Variants in RGS6 observed in about 807,000 individuals in gnomAD.
The protein encoded by RGS6 is regulator of G protein signaling 6, also known as regulator of G-protein signaling 6.
In RGS6, 30 loss-of-function variants were observed where a neutral mutation model predicts 78.5. The ratio of observed to expected loss-of-function variants is 0.38; its 90% CI spans 0.29 to 0.52. The LOEUF (loss-of-function observed/expected upper bound fraction) is 0.52. Ranked by LOEUF, RGS6 falls within the 20% of genes least tolerant of loss-of-function variation. RGS6 has a pLI of 0.85. For missense variants in RGS6, 495 were observed against 609.7 expected (o/e 0.81, Z 1.98); for synonymous variants, 206 against 206.0 (o/e 1.00, Z 0.00).
In RGS6 at chr14:72,178,964, T is replaced by G. The variant is rs149995467; in HGVS notation, c.85-173131T>G. Among the ~76,000 whole-genome samples the G allele has an allele frequency of 1.2e-3, 190 of 152,332 alleles. 1 individual carries two copies. In the East Asian group the frequency reaches 0.021, roughly 17 times the overall value. ...GTTTGTAAATATCCTTACTGACGGT[T>G]TCTAGACATTTATGCACGACGTTTT... On this transcript the variant is annotated intron_variant, in intron 2 of 17. Coordinates refer to ENST00000553525, the MANE Select transcript of RGS6 (RefSeq NM_001204424.2).
Position 72,256,286 on chromosome 14 carries a change from A to C in RGS6, c.85-95809A>C, listed in dbSNP as rs192633837. On this transcript the variant is annotated intron_variant, in intron 2 of 17. Coordinates refer to ENST00000553525, the MANE Select transcript of RGS6 (RefSeq NM_001204424.2). ...CTGAGTCAGTTTCTGGGTAGGAGTC[A>C]CAGGACCAGTTGAGTCAGTTCCCTG... 5.3e-5 allele frequency among the ~76,000 whole-genome samples: 8 copies of C among 152,334 alleles called. No homozygotes were observed. The East Asian group carries it at 9.6e-4, about 18-fold the overall frequency.
At chr14:72,618,238 T>C in the RGS6 span, among the ~76,000 whole-genome samples, 2 of 152,196 alleles carry the variant, frequency 1.3e-5, no homozygotes, top group Non-Finnish European at 2.9e-5. Flanking sequence ...CAGGTCTCAG[T>C]AGACAATAGC....
At chr14:71,995,762 G>A (rs750183932) in intron 2 of RGS6, among the ~76,000 whole-genome samples, 1 of 152,068 alleles carries the variant, frequency 6.6e-6, no homozygotes, top group Non-Finnish European at 1.5e-5. Context: ...CATGACGCAC[G>A]GCATATTTAC....
chr14:71,885,577 G>A, the RGS6 span, among the ~76,000 whole-genome samples: 1 of 152,218 alleles, frequency 6.6e-6, no homozygotes, highest in Admixed American at 6.5e-5. Flanking sequence ...ATGTGATGAG[G>A]GCTCACTTGG....
chr14:72,085,933 G>T (rs556472410), intron 2 of RGS6, among the ~76,000 whole-genome samples: 1 of 150,706 alleles, frequency 6.6e-6, no homozygotes, highest in Admixed American at 6.6e-5. Flanking sequence ...ACTCATAGCA[G>T]GTTACCTTTG....
At chr14:72,220,138 A>G (rs909244732) in intron 2 of RGS6, among the ~76,000 whole-genome samples, 1 of 152,254 alleles carries the variant, frequency 6.6e-6, no homozygotes, top group African/African-American at 2.4e-5. Flanking sequence ...CATAATCGCT[A>G]CAAAAAGAAT....
chr14:72,521,558 T>G (rs1309701766), intron 15 of RGS6, among the ~76,000 whole-genome samples: 3 of 152,242 alleles, frequency 2.0e-5, no homozygotes. Context: ...CAATCTAGAC[T>G]AGACATGAGG....
At chr14:72,229,958 T>G (rs2049134382) in intron 2 of RGS6, among the ~76,000 whole-genome samples, 1 of 152,222 alleles carries the variant, frequency 6.6e-6, no homozygotes, top group African/African-American at 2.4e-5. Context: ...TGGCCTCATT[T>G]ACATCCTGTG....
At chr14:72,604,371 G>A in the RGS6 span, among the ~76,000 whole-genome samples, 49,304 of 152,014 alleles carry the variant, frequency 0.32, 9,367 homozygotes, top group East Asian at 0.75. Flanking sequence ...CATTCTTCAA[G>A]GTTCTGCTCC....
At chr14:72,226,793 C>A (rs1000373558) in intron 2 of RGS6, among the ~76,000 whole-genome samples, 10 of 152,244 alleles carry the variant, frequency 6.6e-5, no homozygotes, top group Non-Finnish European at 1.5e-4. Context: ...ACCTCCACCT[C>A]CTGGGTTCAA....
the RGS6 span, among the ~76,000 whole-genome samples, chr14:72,597,355 A>C: frequency 6.6e-6 from 1 of 152,370 alleles, no homozygotes; most frequent in South Asian, 2.1e-4. Context: ...GGCTCGTTGT[A>C]AAGGCTCAGT....
chr14:72,114,101 T>A (rs1443315393), intron 2 of RGS6, among the ~76,000 whole-genome samples: 3 of 152,176 alleles, frequency 2.0e-5, no homozygotes, highest in Non-Finnish European at 2.9e-5. Context: ...CCAGTTTGGA[T>A]TGTGGTCAGT....
chr14:72,625,975 G>A, the RGS6 span, among the ~76,000 whole-genome samples: 4 of 152,274 alleles, frequency 2.6e-5, no homozygotes, highest in East Asian at 5.8e-4. Flanking sequence ...TACAGTATTT[G>A]TGGTGCAGTT....
At chr14:72,356,857 A>G (rs1438693944) in intron 3 of RGS6, among the ~76,000 whole-genome samples, 3 of 152,242 alleles carry the variant, frequency 2.0e-5, no homozygotes, top group East Asian at 1.9e-4. Flanking sequence ...CTGTGAGTCA[A>G]TTAAACATAT....
chr14:72,087,714 A>G (rs896544567), intron 2 of RGS6, among the ~76,000 whole-genome samples: 4 of 152,028 alleles, frequency 2.6e-5, no homozygotes, highest in Non-Finnish European at 5.9e-5. Context: ...AAATACTGGT[A>G]ATGTTGTAAT....
At chr14:72,041,998 A>G (rs1253294631) in intron 2 of RGS6, among the ~76,000 whole-genome samples, 1 of 152,172 alleles carries the variant, frequency 6.6e-6, no homozygotes, top group Non-Finnish European at 1.5e-5. Context: ...ATGGTGCTAG[A>G]ATAGAGATTA....
At chr14:72,052,970 T>C (rs1287339110) in intron 2 of RGS6, among the ~76,000 whole-genome samples, 3 of 46,004 alleles carry the variant, frequency 6.5e-5, no homozygotes, top group African/African-American at 3.4e-4. Context: ...TCTTTCTTTC[T>C]TTCTTTCTTT....
intron 2 of RGS6, among the ~76,000 whole-genome samples, chr14:72,176,450 C>T (rs1055670423): frequency 4.6e-5 from 7 of 152,158 alleles, no homozygotes; most frequent in African/African-American, 1.7e-4. Flanking sequence ...AAATAGATAC[C>T]ACCAAAAGGG....
intron 2 of RGS6, among the ~76,000 whole-genome samples, chr14:71,970,214 A>G (rs968894449): frequency 7.9e-5 from 12 of 152,190 alleles, no homozygotes; most frequent in African/African-American, 2.4e-4. Context: ...ATATAGTGTC[A>G]TAGATGAAAT....
Sources: allele counts gnomAD v4.1 joint callset (sites outside exome capture counted in the v4.1 genomes callset), GRCh38; gene constraint gnomAD v4.1.1; transcripts MANE v1.5; gene names NCBI Gene and HGNC (gene_info 2026-07-23, HGNC 2026-07-21).